Variants in MSI2 observed in about 807,000 individuals in gnomAD.
The protein encoded by MSI2 is RNA-binding protein Musashi homolog 2.
A neutral mutation model predicts 45.6 loss-of-function variants in MSI2; 17 were observed. That is an observed-to-expected ratio of 0.37 (90% CI 0.26 to 0.56). MSI2 has a LOEUF of 0.56. MSI2 is among the 20% of genes least tolerant of loss of function. MSI2 has a pLI of 0.77. For synonymous variants in MSI2, 156 were observed against 158.2 expected (o/e 0.99, Z 0.11); for missense variants, 293 against 444.2 (o/e 0.66, Z 3.06).
intron 7 of MSI2, among the ~76,000 whole-genome samples, chr17:57,560,735 G>A (rs1438264893): frequency 6.6e-6 from 1 of 152,220 alleles, no homozygotes; most frequent in Admixed American, 6.5e-5. Flanking sequence ...ATTACTGCCG[G>A]TATGGAGAGG....
At chr17:57,437,705 C>A (rs1050668300) in intron 6 of MSI2, among the ~76,000 whole-genome samples, 1 of 151,884 alleles carries the variant, frequency 6.6e-6, no homozygotes, top group African/African-American at 2.4e-5. Flanking sequence ...AACAGAGAAC[C>A]CTACAAGTTC....
Position 57,627,168 on chromosome 17 carries a change from T to C in MSI2, c.653-61T>C, listed in dbSNP as rs376966412. The C allele has an allele frequency of 9.6e-5, 141 of 1,469,746 alleles. No individual in the cohort carries two copies. In the African/African-American group the frequency reaches 1.8e-3, roughly 18 times the overall value. The allele number at this position is 1,469,746 out of a possible 1,614,324, so 91.0% of individuals were successfully genotyped here. On this transcript the variant is annotated intron_variant, in intron 9 of 13. Transcript: ENST00000284073. The surrounding 1 kb of genome is among the most constrained non-coding windows in gnomAD (Gnocchi z 4.6). The stretch of plus-strand genomic sequence containing the variant: ...TCCTCATTGCCACCCTCCGTGAGAT[T>C]TTACCCCAGACCTGAGGCGGCTGTA...
chr17:57,305,752 C>T (rs921129688), intron 5 of MSI2, among the ~76,000 whole-genome samples: 11 of 152,134 alleles, frequency 7.2e-5, no homozygotes, highest in East Asian at 1.9e-4. Context: ...GCTAGGGTTG[C>T]GTATTCTGTT....
intron 10 of MSI2, among the ~76,000 whole-genome samples, chr17:57,647,673 C>T (rs954403643): frequency 5.9e-5 from 9 of 151,540 alleles, no homozygotes; most frequent in African/African-American, 2.2e-4. Context: ...GAGACAGAGT[C>T]TCGCTCTGTC....
chr17:57,616,322 C>T, intron 9 of MSI2: 1 of 376,270 alleles, frequency 2.7e-6, no homozygotes, highest in South Asian at 7.1e-5. Context: ...TATAATATTG[C>T]CCCATGCCTG....
intron 11 of MSI2, 104 bp from the exon 12 acceptor site, chr17:57,674,868 T>TG (rs1333510303): frequency 6.6e-7 from 1 of 1,516,830 alleles, no homozygotes; most frequent in Non-Finnish European, 8.9e-7. Context: ...TAATGACCGG[T>TG]GCATGCCTGG....
At chr17:57,579,964 T>C (rs1033209201) in intron 7 of MSI2, among the ~76,000 whole-genome samples, 6 of 152,174 alleles carry the variant, frequency 3.9e-5, no homozygotes, top group Non-Finnish European at 8.8e-5. Context: ...GCTCTTTCCA[T>C]TCATAGTCCA....
At chr17:57,603,944 G>T (rs1906218878) in intron 8 of MSI2, among the ~76,000 whole-genome samples, 2 of 152,240 alleles carry the variant, frequency 1.3e-5, no homozygotes, top group Admixed American at 6.5e-5. Flanking sequence ...GAGTAGAAAG[G>T]GGGTGCCCCA....
intron 6 of MSI2, among the ~76,000 whole-genome samples, chr17:57,426,717 A>C (rs796370072): frequency 2.0e-5 from 3 of 152,322 alleles, no homozygotes; most frequent in African/African-American, 7.2e-5. Context: ...TTGGAAATGC[A>C]CAGGCCTGGG....
chr17:57,586,166 G>A (rs1018804919), intron 7 of MSI2, among the ~76,000 whole-genome samples: 6 of 152,188 alleles, frequency 3.9e-5, no homozygotes, highest in East Asian at 1.9e-4. Context: ...GCTATAGAGC[G>A]CACTCGGAAT....
At chr17:57,379,226 T>C (rs1598191725) in intron 5 of MSI2, among the ~76,000 whole-genome samples, 2 of 151,610 alleles carry the variant, frequency 1.3e-5, no homozygotes, top group Admixed American at 6.6e-5. Flanking sequence ...CAGGTTTCCG[T>C]GTTTTGAGAA....
intron 6 of MSI2, among the ~76,000 whole-genome samples, chr17:57,447,903 C>T (rs942411653): frequency 7.9e-5 from 12 of 152,218 alleles, no homozygotes; most frequent in African/African-American, 2.9e-4. Context: ...GACCAAGATA[C>T]TTCTTGATAT....
At chr17:57,394,530 A>G (rs1162937536) in intron 5 of MSI2, among the ~76,000 whole-genome samples, 1 of 152,222 alleles carries the variant, frequency 6.6e-6, no homozygotes. Context: ...GTATATCTCA[A>G]CAGCTCAGAT....
intron 6 of MSI2, among the ~76,000 whole-genome samples, chr17:57,473,077 G>GAA (rs2085470722): frequency 6.6e-6 from 1 of 152,128 alleles, no homozygotes; most frequent in Admixed American, 6.5e-5. Context: ...ACTTTTAGTA[G>GAA]AGACGGGGTT....
At chr17:57,273,535 T>TGG (rs34640091) in intron 5 of MSI2, among the ~76,000 whole-genome samples, 16 of 86,008 alleles carry the variant, frequency 1.9e-4, no homozygotes, top group South Asian at 1.5e-3. Context: ...GGGATGTGGG[T>TGG]GGGGGGGGGG....
At chr17:57,390,166 G>A (rs761824702) in intron 5 of MSI2, among the ~76,000 whole-genome samples, 6 of 152,194 alleles carry the variant, frequency 3.9e-5, no homozygotes, top group Non-Finnish European at 7.3e-5. Flanking sequence ...TGAGATGGGA[G>A]GATTACTGGA....
At chr17:57,649,607 T>C (rs1910976535) in intron 10 of MSI2, among the ~76,000 whole-genome samples, 1 of 152,132 alleles carries the variant, frequency 6.6e-6, no homozygotes. Flanking sequence ...TATCTGTGCT[T>C]GCCCATCTCC....
chr17:57,668,359 G>C (rs1321055382), intron 11 of MSI2, among the ~76,000 whole-genome samples: 2 of 152,134 alleles, frequency 1.3e-5, no homozygotes, highest in Non-Finnish European at 2.9e-5. Flanking sequence ...GGTTTTGGGG[G>C]AGTGTGACTT....
intron 11 of MSI2, 106 bp from the exon 12 acceptor site, chr17:57,674,866 G>C: frequency 6.7e-6 from 10 of 1,482,988 alleles, no homozygotes; most frequent in Non-Finnish European, 9.1e-6. Flanking sequence ...TGTAATGACC[G>C]GTGCATGCCT....
Sources: gnomAD v4.1 joint callset for allele counts (sites outside exome capture counted in the v4.1 genomes callset) on GRCh38, gnomAD v4.1.1 for gene constraint, Gnocchi (gnomAD v3.1) non-coding constraint, MANE v1.5 for transcripts, NCBI Gene and HGNC (gene_info 2026-07-23, HGNC 2026-07-21) for gene names.